Variants in RIMBP2 observed in about 807,000 individuals in gnomAD.
The protein encoded by RIMBP2 is RIMS-binding protein 2.
Under a neutral mutation model 118.6 loss-of-function variants are expected in RIMBP2, and 48 were observed. That is an observed-to-expected ratio of 0.40 (90% CI 0.32 to 0.51). RIMBP2 has a LOEUF of 0.51. Among genes scored for constraint, RIMBP2 ranks in the 20% least tolerant of loss-of-function variants. The probability of loss-of-function intolerance (pLI) is 0.41; values close to 1 mark genes in which losing one functional copy is unlikely to be tolerated. For synonymous variants in RIMBP2, 762 were observed against 742.9 expected (o/e 1.03, Z -0.42); for missense variants, 1,551 against 1,768.3 (o/e 0.88, Z 2.20).
At position 130,647,861 on chromosome 12, in the gene RIMBP2, G is replaced by A. The variant is rs1020467795; in HGVS notation, c.-351-19405C>T. Among the ~76,000 whole-genome samples the A allele has an allele frequency of 6.9e-5, 10 of 145,814 alleles. 2 individuals carry two copies. The highest frequency in any genetic ancestry group is 6.2e-4 in the Admixed American group (9 of 14,548). The stretch of plus-strand genomic sequence containing the variant: ...TCCCCTTTAAGCCATCTGGCAGTCC[G>A]GGTCTTCCACATAAGGTTCTCCCCG... On this transcript the variant is annotated intron_variant, in intron 1 of 22. Transcript: ENST00000690449.
At chr12:130,638,725 T>TATA (rs1566414254) in intron 1 of RIMBP2, among the ~76,000 whole-genome samples, 1 of 151,682 alleles carries the variant, frequency 6.6e-6, no homozygotes, top group East Asian at 1.9e-4. Flanking sequence ...ACCACTGAAC[T>TATA]ATAGTACATT....
intron 9 of RIMBP2, among the ~76,000 whole-genome samples, chr12:130,448,855 G>A (rs978979902): frequency 1.3e-5 from 2 of 152,262 alleles, no homozygotes; most frequent in Admixed American, 1.3e-4. Context: ...GGTTTGCTTT[G>A]GTGGAACTGG....
At chr12:130,435,027 C>T (rs1477440398) in intron 13 of RIMBP2, 147 bp from the exon 14 acceptor site, 5 of 735,674 alleles carry the variant, frequency 6.8e-6, no homozygotes, top group Admixed American at 3.1e-5. Flanking sequence ...GCCGCCCTCT[C>T]GCTGCCCCAG....
chr12:130,653,411 C>T (rs189985098), intron 1 of RIMBP2, among the ~76,000 whole-genome samples: 27 of 152,264 alleles, frequency 1.8e-4, no homozygotes, highest in Non-Finnish European at 4.0e-4. Flanking sequence ...TCCGGGCACA[C>T]TGGTGCAAGG....
At chr12:130,452,147 C>G (rs1409992850) in intron 7 of RIMBP2, among the ~76,000 whole-genome samples, 2 of 152,186 alleles carry the variant, frequency 1.3e-5, no homozygotes, top group African/African-American at 2.4e-5. Flanking sequence ...CCTTCCCAAG[C>G]TCTCCGCTGC....
In RIMBP2 at chr12:130,648,823, A is replaced by G. The variant is rs906274419; in HGVS notation, c.-351-20367T>C. 1.8e-4 allele frequency among the ~76,000 whole-genome samples: 26 copies of G among 144,648 alleles called. 2 individuals are homozygous for G. Among genetic ancestry groups the G allele is most frequent in the African/African-American group, 5.9e-4 (24 of 40,608 alleles). The allele number at this position is 144,648 out of a possible 152,430, so 94.9% of individuals were successfully genotyped here. ...AGGCCTGCACCACCACGCCCAGCTA[A>G]TTTTGTATTTTTAGTAGGGACAGGG... On this transcript the variant is annotated intron_variant, in intron 1 of 22. Transcript: ENST00000690449.
intron 2 of RIMBP2, among the ~76,000 whole-genome samples, chr12:130,535,977 C>T (rs941807391): frequency 1.3e-4 from 19 of 151,830 alleles, no homozygotes; most frequent in African/African-American, 4.6e-4. Flanking sequence ...TTTGTAGAGA[C>T]GGGGTTTCAC....
intron 2 of RIMBP2, among the ~76,000 whole-genome samples, chr12:130,583,697 TCATCACCACCACCGC>T (rs978142513): frequency 7.3e-6 from 1 of 137,898 alleles, no homozygotes; most frequent in Non-Finnish European, 1.5e-5. Context: ...CACCATCACC[TCATCACCACCACCGC>T]CATCACCTCA....
intron 2 of RIMBP2, among the ~76,000 whole-genome samples, chr12:130,546,400 A>G (rs1256349546): frequency 6.6e-6 from 1 of 152,112 alleles, no homozygotes; most frequent in Non-Finnish European, 1.5e-5. Context: ...GGATCAAGTG[A>G]TTCTCCTGCC....
In RIMBP2 at chr12:130,437,023, C is replaced by T; in HGVS notation, c.1925G>A (p.Trp642Ter). 6.3e-7 allele frequency: 1 copy of T among 1,588,434 alleles called. No homozygotes were observed. The highest frequency in any genetic ancestry group is 8.6e-7 in the Non-Finnish European group (1 of 1,165,438). ...LGPHARMDEA[W>*]EQSRAPGPVH... Reference sequence around the variant, plus strand: ...AGGGCCAGGTGCACGGCTCTGCTCCCAGGCCTCATCCATCCTGGCGTGGGG... The same window carrying T: ...AGGGCCAGGTGCACGGCTCTGCTCCTAGGCCTCATCCATCCTGGCGTGGGG... The change falls in exon 13 of 23, where the codon TGG becomes TAG. Residue 642 changes from tryptophan to a stop codon, truncating the protein, a stop_gained. Coordinates refer to ENST00000690449, the MANE Select transcript of RIMBP2 (RefSeq NM_001393629.1). LOFTEE classifies it high-confidence loss of function.
intron 2 of RIMBP2, among the ~76,000 whole-genome samples, chr12:130,524,475 G>C (rs896417045): frequency 6.6e-5 from 10 of 152,162 alleles, no homozygotes; most frequent in Non-Finnish European, 1.3e-4. Flanking sequence ...ACCACATGCA[G>C]AGAGCTACAG....
At chr12:130,671,487 G>C (rs774730779) in intron 1 of RIMBP2, among the ~76,000 whole-genome samples, 9 of 152,204 alleles carry the variant, frequency 5.9e-5, no homozygotes, top group Non-Finnish European at 1.0e-4. Context: ...AGCCGCATGA[G>C]AACAGGACCT....
At chr12:130,476,572 G>A (rs770374902) in intron 5 of RIMBP2, among the ~76,000 whole-genome samples, 10 of 152,160 alleles carry the variant, frequency 6.6e-5, no homozygotes, top group African/African-American at 2.4e-4. Flanking sequence ...CCCTGGATGC[G>A]CTGGGCTGGT....
intron 2 of RIMBP2, among the ~76,000 whole-genome samples, chr12:130,597,967 C>A (rs763585370): frequency 3.3e-5 from 5 of 152,106 alleles, no homozygotes; most frequent in Admixed American, 6.5e-5. Flanking sequence ...TTGTGGACAA[C>A]AGGATAGGCT....
At chr12:130,480,738 T>C (rs899915037) in intron 4 of RIMBP2, among the ~76,000 whole-genome samples, 1 of 152,094 alleles carries the variant, frequency 6.6e-6, no homozygotes, top group African/African-American at 2.4e-5. Flanking sequence ...GTAGCTGGGA[T>C]TACAGGTGCC....
Position 130,462,448 on chromosome 12 carries a change from C to T in RIMBP2, c.154-5748G>A, listed in dbSNP as rs73152977. Reference sequence around the variant, plus strand: ...TGCGTCTCCACCGAGGCCCAAGGCACGCTACTCGGCGTGACCATAAGCATA... The same window carrying T: ...TGCGTCTCCACCGAGGCCCAAGGCATGCTACTCGGCGTGACCATAAGCATA... On this transcript the variant is annotated intron_variant, in intron 6 of 22. Transcript: ENST00000690449. 5.0e-3 allele frequency among the ~76,000 whole-genome samples: 767 copies of T among 152,320 alleles called. 6 individuals are homozygous for T. Among genetic ancestry groups the T allele is most frequent in the Non-Finnish European group, 6.7e-3 (459 of 68,020 alleles).
chr12:130,417,133 T>C (rs567285742), intron 17 of RIMBP2, among the ~76,000 whole-genome samples: 1 of 152,100 alleles, frequency 6.6e-6, no homozygotes, highest in Non-Finnish European at 1.5e-5. Context: ...AAAATGTATA[T>C]ACCATTGGAG....
chr12:130,494,937 T>TGA (rs1404709957), intron 4 of RIMBP2, among the ~76,000 whole-genome samples: 1 of 152,202 alleles, frequency 6.6e-6, no homozygotes, highest in East Asian at 1.9e-4. Flanking sequence ...GTGGAACCTC[T>TGA]GAGGGAGAAG....
intron 1 of RIMBP2, among the ~76,000 whole-genome samples, chr12:130,712,490 G>A (rs147749701): frequency 1.6e-4 from 24 of 152,088 alleles, no homozygotes; most frequent in Admixed American, 6.6e-4. Flanking sequence ...TCACATCACC[G>A]CCTTCCACCT....
Sources: allele counts gnomAD v4.1 joint callset (sites outside exome capture counted in the v4.1 genomes callset), GRCh38; gene constraint gnomAD v4.1.1; transcripts MANE v1.5; gene names NCBI Gene and HGNC (gene_info 2026-07-23, HGNC 2026-07-21).